The following NDUFC2 variants were observed in gnomAD, a reference collection of about 807,000 sequenced individuals.
The protein encoded by NDUFC2 is NADH dehydrogenase [ubiquinone] 1 subunit C2.
NDUFC2 carries 2 observed loss-of-function variants against 10.1 expected under a neutral mutation model. The ratio of observed to expected loss-of-function variants is 0.20; its 90% CI spans 0.08 to 0.62. NDUFC2 has a LOEUF of 0.62. Ranked by LOEUF, NDUFC2 falls within the 20% of genes least tolerant of loss-of-function variation. The pLI is 0.87. For missense variants in NDUFC2, 156 were observed against 159.6 expected (o/e 0.98, Z 0.12); for synonymous variants, 61 against 63.6 (o/e 0.96, Z 0.20).
In NDUFC2 at chr11:78,072,988, C is replaced by A. The variant is rs192918394; in HGVS notation, c.310+10G>T. 2 of 1,606,936 alleles carry A rather than the reference C, an allele frequency of 1.2e-6. No homozygotes were observed. The highest frequency in any genetic ancestry group is 1.7e-6 in the Non-Finnish European group (2 of 1,178,660). ...GTAAACACAGATTATCTAAAATTAA[C>A]TTGAAATACCTTCTTCAGGAAAATC... On this transcript the variant is annotated intron_variant, in intron 2 of 2. Transcript: ENST00000281031.
chr11:78,069,713 T>G lies in NDUFC2; in HGVS notation c.*274A>C. The G allele has an allele frequency of 4.7e-6, 3 of 643,142 alleles. No homozygotes were observed. The highest frequency in any genetic ancestry group is 2.1e-5 in the South Asian group (1 of 47,966). The allele number at this position is 643,142 out of a possible 1,614,324, so 39.8% of individuals were successfully genotyped here. A position where few individuals can be genotyped will look rare whatever the true frequency, so the allele number is the denominator to read the frequency against. On this transcript the variant is annotated 3_prime_UTR_variant, in exon 3 of 3. Transcript: ENST00000281031. ...TGGCTGTGTTCCAATGAGACTTTAT[T>G]GGCAGTGGGCCAGATTTGGGTAGTC...
In NDUFC2 at chr11:78,069,763, C is replaced by T; in HGVS notation, c.*224G>A. ...CTGCTAACTCTAAACTAGAATTCAA[C>T]CTCATCTTAAAATCTTTCAGATGGG... On this transcript the variant is annotated 3_prime_UTR_variant, in exon 3 of 3. Transcript: ENST00000281031. The T allele has an allele frequency of 4.8e-6, 5 of 1,047,154 alleles. No individual in the cohort carries two copies. The highest frequency in any genetic ancestry group is 1.6e-5 in the African/African-American group (1 of 61,958). 64.9% of individuals were successfully genotyped at this position (1,047,154 alleles called of 1,614,324 possible).
At chr11:78,077,728 T>A (rs985212422) in intron 1 of NDUFC2, among the ~76,000 whole-genome samples, 5 of 152,174 alleles carry the variant, frequency 3.3e-5, no homozygotes, top group Admixed American at 6.5e-5. Context: ...GCTAATTTTT[T>A]AAATTTTTTT....
At chr11:78,075,037 G>C (rs1163820164) in intron 1 of NDUFC2, among the ~76,000 whole-genome samples, 2 of 152,082 alleles carry the variant, frequency 1.3e-5, no homozygotes, top group Admixed American at 6.6e-5. Context: ...CTCACTACCT[G>C]CACACCCCAT....
chr11:78,077,071 C>T (rs1030156224), intron 1 of NDUFC2, among the ~76,000 whole-genome samples: 1 of 152,194 alleles, frequency 6.6e-6, no homozygotes, highest in Admixed American at 6.6e-5. Flanking sequence ...GTGGCAGGAT[C>T]ACTTGAGGCC....
intron 1 of NDUFC2, among the ~76,000 whole-genome samples, chr11:78,078,026 T>C (rs533103117): frequency 1.2e-4 from 19 of 152,308 alleles, no homozygotes; most frequent in African/African-American, 3.6e-4. Context: ...CCAAGGGAGA[T>C]AGGACTTCAA....
chr11:78,073,192 A>G, intron 1 of NDUFC2, 51 bp from the exon 2 acceptor site: 2 of 1,608,906 alleles, frequency 1.2e-6, no homozygotes, highest in Non-Finnish European at 1.7e-6. Flanking sequence ...GTCCATGTGT[A>G]TTAAGAGTTA....
intron 2 of NDUFC2, chr11:78,072,789 C>T: frequency 1.5e-6 from 1 of 665,576 alleles, no homozygotes; most frequent in Non-Finnish European, 2.5e-6. Flanking sequence ...TTTGGGAAGG[C>T]AGAGGGGATA....
intron 1 of NDUFC2, among the ~76,000 whole-genome samples, chr11:78,074,518 C>A (rs1053584479): frequency 1.2e-4 from 18 of 151,796 alleles, no homozygotes; most frequent in African/African-American, 4.4e-4. Flanking sequence ...GAGGCTGAGG[C>A]TGGAGAATCG....
At chr11:78,076,873 A>C (rs1859272783) in intron 1 of NDUFC2, among the ~76,000 whole-genome samples, 1 of 152,202 alleles carries the variant, frequency 6.6e-6, no homozygotes, top group Non-Finnish European at 1.5e-5. Flanking sequence ...TTGTGCTCCT[A>C]AAGTGCTTTC....
chr11:78,070,251 C>G (rs986290179), intron 2 of NDUFC2, among the ~76,000 whole-genome samples: 1 of 152,088 alleles, frequency 6.6e-6, no homozygotes, highest in African/African-American at 2.4e-5. Flanking sequence ...CACAAAGGCT[C>G]TGTCCTCATG....
chr11:78,074,801 C>A (rs1435837497), intron 1 of NDUFC2, among the ~76,000 whole-genome samples: 1 of 152,210 alleles, frequency 6.6e-6, no homozygotes, highest in African/African-American at 2.4e-5. Flanking sequence ...TAATGGGCTA[C>A]CCGCCATATA....
At chr11:78,079,411 T>G (rs1859408678) in intron 1 of NDUFC2, among the ~76,000 whole-genome samples, 168 bp downstream of exon 1, 2 of 152,072 alleles carry the variant, frequency 1.3e-5, no homozygotes, top group Admixed American at 1.3e-4. Context: ...TGGCTCTGCT[T>G]GATTCTAAAG....
intron 1 of NDUFC2, among the ~76,000 whole-genome samples, chr11:78,075,417 C>T (rs1373782746): frequency 1.3e-5 from 2 of 152,098 alleles, no homozygotes; most frequent in Non-Finnish European, 2.9e-5. Context: ...CCATTTGCCC[C>T]AGTTTCAACA....
At position 78,069,567 on chromosome 11, in the gene NDUFC2, A is replaced by G; in HGVS notation, c.*420T>C. On this transcript the variant is annotated 3_prime_UTR_variant, in exon 3 of 3. Coordinates refer to ENST00000281031, the MANE Select transcript of NDUFC2 (RefSeq NM_004549.6). The stretch of plus-strand genomic sequence containing the variant: ...TTTGCACTAGGACAGGGGCAGGCAA[A>G]CCTTTTCTGAAAGGGCTACATATTA... 1 of 342,290 alleles carries G rather than the reference A, an allele frequency of 2.9e-6. No individual in the cohort carries two copies. Among genetic ancestry groups the G allele is most frequent in the African/African-American group, 2.1e-5 (1 of 46,790 alleles). The allele number at this position is 342,290 out of a possible 1,614,324, so 21.2% of individuals were successfully genotyped here.
Position 78,076,176 on chromosome 11 carries a change from C to T in NDUFC2, c.167-3035G>A, listed in dbSNP as rs924215793. Reference sequence around the variant, plus strand: ...TTTTTTTTAAAGACAGAGTCTCAGTCTGTCGCCCAGGCTGGAGTGCAATGG... The same window carrying T: ...TTTTTTTTAAAGACAGAGTCTCAGTTTGTCGCCCAGGCTGGAGTGCAATGG... On this transcript the variant is annotated intron_variant, in intron 1 of 2. Coordinates refer to ENST00000281031, the MANE Select transcript of NDUFC2 (RefSeq NM_004549.6). Among the ~76,000 whole-genome samples, 8 of 150,192 alleles carry T rather than the reference C, an allele frequency of 5.3e-5. No homozygotes were observed. In the South Asian group the frequency reaches 1.5e-3, roughly 27 times the overall value.
At chr11:78,077,978 G>A (rs955919457) in intron 1 of NDUFC2, among the ~76,000 whole-genome samples, 8 of 152,336 alleles carry the variant, frequency 5.3e-5, no homozygotes, top group African/African-American at 1.9e-4. Context: ...AGGCATAAAC[G>A]GACAAAGATG....
chr11:78,077,573 G>C (rs750198797), intron 1 of NDUFC2, among the ~76,000 whole-genome samples: 4 of 152,106 alleles, frequency 2.6e-5, no homozygotes, highest in Admixed American at 6.6e-5. Context: ...TTATTTATTG[G>C]AGACAAGGTC....
intron 1 of NDUFC2, among the ~76,000 whole-genome samples, chr11:78,074,642 A>C (rs1453844398): frequency 1.3e-5 from 2 of 152,130 alleles, no homozygotes; most frequent in Non-Finnish European, 2.9e-5. Context: ...GACCTATCCT[A>C]TCTTTCTCAC....
Sources: allele counts gnomAD v4.1 joint callset (sites outside exome capture counted in the v4.1 genomes callset), GRCh38; gene constraint gnomAD v4.1.1; transcripts MANE v1.5; gene names NCBI Gene and HGNC (gene_info 2026-07-23, HGNC 2026-07-21).